SLC35G2: variants seen among roughly 807,000 people sequenced by gnomAD.
SLC35G2 encodes transmembrane protein 22.
SLC35G2 carries 20 observed loss-of-function variants against 27.2 expected under a neutral mutation model. The ratio of observed to expected loss-of-function variants is 0.74; its 90% confidence interval spans 0.52 to 1.07. The LOEUF (loss-of-function observed/expected upper bound fraction) is 1.07. SLC35G2 is among the 50% of genes least tolerant of loss of function. The pLI, the probability that SLC35G2 is intolerant of heterozygous loss-of-function variation, is 0.00. For synonymous variants in SLC35G2, 148 were observed against 165.3 expected, an observed-to-expected ratio of 0.90 and a Z score of 0.80; for missense variants, 416 against 493.3, an observed-to-expected ratio of 0.84 and a Z score of 1.48.
chr3:136,847,570 T>G (rs1285447419), intron 1 of SLC35G2, among the ~76,000 whole-genome samples: 3 of 146,628 alleles, frequency 2.0e-5, no homozygotes, highest in Admixed American at 6.9e-5. Flanking sequence ...GCAACAAGAG[T>G]GAAACTCCAT....
At chr3:136,837,735 T>C (rs1936914281) in intron 1 of SLC35G2, 1 of 152,216 alleles carries the variant, frequency 6.6e-6, no homozygotes, top group Admixed American at 6.5e-5. Context: ...CATCCTTATA[T>C]ACTTTGCTGG....
chr3:136,855,732 GTTA>G lies in SLC35G2; in HGVS notation c.*38_*40del, dbSNP rs773781943. On this transcript the variant is annotated 3_prime_UTR_variant, in exon 2 of 2. Transcript: ENST00000446465. Reference sequence around the variant, plus strand: ...ATTATTATTGTCTCATTAATGTTCAGTTATTATGTATACTGCCATTTTAATGTT... The same window carrying G: ...ATTATTATTGTCTCATTAATGTTCAGTTATGTATACTGCCATTTTAATGTT... The G allele has an allele frequency of 8.3e-6, 12 of 1,447,966 alleles. No homozygotes were observed. The highest frequency in any genetic ancestry group is 3.6e-5 in the African/African-American group (2 of 55,982). 89.7% of individuals were successfully genotyped at this position (1,447,966 alleles called of 1,614,324 possible). A position where few individuals can be genotyped will look rare whatever the true frequency, so the allele number is the denominator to read the frequency against.
chr3:136,833,769 A>T (rs557802487), intron 1 of SLC35G2, among the ~76,000 whole-genome samples: 2 of 152,288 alleles, frequency 1.3e-5, no homozygotes, highest in East Asian at 3.9e-4. Context: ...AACAGGCCAC[A>T]GACTAGTACT....
intron 1 of SLC35G2, among the ~76,000 whole-genome samples, chr3:136,846,263 C>T (rs1355518514): frequency 1.3e-5 from 2 of 152,164 alleles, no homozygotes; most frequent in Non-Finnish European, 2.9e-5. Flanking sequence ...GAGGTGGTCT[C>T]AGGCCTCATA....
At chr3:136,849,459 CTTT>C (rs397753059) in intron 1 of SLC35G2, among the ~76,000 whole-genome samples, 2 of 148,230 alleles carry the variant, frequency 1.3e-5, no homozygotes, top group Admixed American at 6.7e-5. Flanking sequence ...TTGAACCCAA[CTTT>C]TTTTTTTTAC....
intron 1 of SLC35G2, among the ~76,000 whole-genome samples, chr3:136,847,938 C>T (rs1441153795): frequency 2.6e-5 from 4 of 151,440 alleles, no homozygotes; most frequent in Non-Finnish European, 4.4e-5. Flanking sequence ...GATTGCATCA[C>T]TACACTCCAG....
At chr3:136,846,805 A>T (rs1937400302) in intron 1 of SLC35G2, among the ~76,000 whole-genome samples, 1 of 152,222 alleles carries the variant, frequency 6.6e-6, no homozygotes, top group Admixed American at 6.5e-5. Context: ...TAAGACAGAC[A>T]ATAATTATTA....
intron 1 of SLC35G2, chr3:136,820,172 A>G (rs1399797412): frequency 1.3e-5 from 2 of 149,734 alleles, no homozygotes; most frequent in Admixed American, 1.3e-4. Context: ...GGACCTGGAG[A>G]TAGTAACCCC....
chr3:136,828,496 G>T (rs753845012), intron 1 of SLC35G2, among the ~76,000 whole-genome samples: 37 of 151,830 alleles, frequency 2.4e-4, no homozygotes, highest in Non-Finnish European at 4.4e-4. Flanking sequence ...GACCTTTTTT[G>T]TCTCTTCTTA....
intron 1 of SLC35G2, among the ~76,000 whole-genome samples, chr3:136,828,363 T>C (rs137953346): frequency 7.9e-4 from 121 of 152,354 alleles, no homozygotes; most frequent in African/African-American, 2.9e-3. Flanking sequence ...TATTATTGTA[T>C]TGAGGTCTCT....
At chr3:136,825,595 G>T (rs1394095886) in intron 1 of SLC35G2, among the ~76,000 whole-genome samples, 1 of 151,954 alleles carries the variant, frequency 6.6e-6, no homozygotes, top group East Asian at 1.9e-4. Flanking sequence ...AGTTTTTTGA[G>T]GATTTTTATC....
chr3:136,854,583 C>A lies in SLC35G2; in HGVS notation c.123C>A (p.Ile41=), dbSNP rs377646587. Residue 41 remains isoleucine, a synonymous_variant, in exon 2 of 2, where the codon ATC becomes ATA. Coordinates refer to ENST00000446465, the MANE Select transcript of SLC35G2 (RefSeq NM_025246.3). ...CTGGCGATGATGGATATGAAGAAAT[C>A]AATGAAGGCTATGGAAATTTTATGG... is the stretch of plus-strand genomic sequence containing the variant. The part of the protein sequence containing the change: ...PQPGDDGYEE[I]NEGYGNFMEE... 5 of 1,612,720 alleles carry A rather than the reference C, an allele frequency of 3.1e-6. No individual in the cohort carries two copies. The African/African-American group carries it at 6.7e-5, about 22-fold the overall frequency.
chr3:136,839,829 C>G (rs1257292781), intron 1 of SLC35G2, among the ~76,000 whole-genome samples: 1 of 152,158 alleles, frequency 6.6e-6, no homozygotes, highest in Non-Finnish European at 1.5e-5. Flanking sequence ...CCTGGGCTAG[C>G]CCTCCTGTTT....
intron 1 of SLC35G2, among the ~76,000 whole-genome samples, chr3:136,830,029 C>T (rs1051949084): frequency 6.6e-6 from 1 of 151,578 alleles, no homozygotes; most frequent in South Asian, 2.1e-4. Context: ...CTTTCACTAT[C>T]TCCTCTTTAA....
At position 136,819,180 on chromosome 3, in the gene SLC35G2, C is replaced by G. The variant is rs1212446658; in HGVS notation, c.-467C>G. 3 of 152,252 alleles carry G rather than the reference C, an allele frequency of 2.0e-5. No individual in the cohort carries two copies. Among genetic ancestry groups the G allele is most frequent in the Admixed American group, 6.5e-5 (1 of 15,286 alleles). The allele number at this position is 152,252 out of a possible 1,614,324, so 9.4% of individuals were successfully genotyped here. A position where few individuals can be genotyped will look rare whatever the true frequency, so the allele number is the denominator to read the frequency against. ...CAGGCGAGGGCACGCCCGCGTCAGTCGCCTCCGGGGCACCTTCCTCGCCAC... is the reference window on the plus strand; with the variant it reads ...CAGGCGAGGGCACGCCCGCGTCAGTGGCCTCCGGGGCACCTTCCTCGCCAC... On this transcript the variant is annotated 5_prime_UTR_variant, in exon 1 of 2. Transcript: ENST00000446465.
rs4263235 is a variant in SLC35G2, at chr3:136,840,529, C to T, written c.-18-13914C>T. Among the ~76,000 whole-genome samples the T allele has an allele frequency of 8.7e-3, 1,305 of 149,488 alleles. 39 individuals carry two copies. The East Asian group carries it at 0.091, about 10-fold the overall frequency. Reference sequence around the variant, plus strand: ...CCCTCCCTCCCTTCCTCTCTCTCTCCCTCCCTCCCTCTCTCCCTTCCTTCT... The same window carrying T: ...CCCTCCCTCCCTTCCTCTCTCTCTCTCTCCCTCCCTCTCTCCCTTCCTTCT... On this transcript the variant is annotated intron_variant, in intron 1 of 1. Transcript: ENST00000446465.
At chr3:136,850,320 A>C (rs1937584303) in intron 1 of SLC35G2, among the ~76,000 whole-genome samples, 1 of 152,168 alleles carries the variant, frequency 6.6e-6, no homozygotes, top group Non-Finnish European at 1.5e-5. Context: ...ACTCCTGATA[A>C]TGCACTCATG....
chr3:136,831,185 G>A (rs1052494983), intron 1 of SLC35G2, among the ~76,000 whole-genome samples: 1 of 152,200 alleles, frequency 6.6e-6, no homozygotes, highest in Non-Finnish European at 1.5e-5. Flanking sequence ...GAGGAGGGTG[G>A]TGGACAACAG....
intron 1 of SLC35G2, among the ~76,000 whole-genome samples, chr3:136,820,972 A>C: frequency 7.7e-6 from 1 of 130,050 alleles, no homozygotes; most frequent in South Asian, 2.8e-4. Context: ...CAACATATAA[A>C]TAATCATAGA....
Sources: allele counts gnomAD v4.1 joint callset (sites outside exome capture counted in the v4.1 genomes callset), GRCh38; gene constraint gnomAD v4.1.1; transcripts MANE v1.5; gene names NCBI Gene and HGNC (gene_info 2026-07-23, HGNC 2026-07-21).